FRG2C: variants seen among roughly 807,000 people sequenced by gnomAD.
FRG2C encodes protein FRG2-like-2.
FRG2C carries 8 observed loss-of-function variants against 14.1 expected under a neutral mutation model. The ratio of observed to expected loss-of-function variants is 0.57; its 90% CI spans 0.33 to 1.02. The LOEUF is 1.02. Ranked by LOEUF, FRG2C falls within the 50% of genes least tolerant of loss-of-function variation. FRG2C has a pLI of 0.03. For synonymous variants in FRG2C, 92 were observed against 127.4 expected (o/e 0.72, Z 1.87); for missense variants, 214 against 334.2 (o/e 0.64, Z 2.80).
rs1423746423 is a variant in FRG2C at position 75,666,380 on chromosome 3, T to A, written c.*339T>A. 6.1e-6 allele frequency: 3 copies of A among 488,914 alleles called. No individual in the cohort carries two copies. Among genetic ancestry groups the A allele is most frequent in the Non-Finnish European group, 3.5e-6 (1 of 284,754 alleles). The allele number at this position is 488,914 out of a possible 1,614,324, so 30.3% of individuals were successfully genotyped here. On this transcript the variant is annotated 3_prime_UTR_variant, in exon 4 of 4. Transcript: ENST00000308062. Reference sequence around the variant, plus strand: ...GATTGTAGAAAAGTAAATATAAAATTATATGCTCTTTTTTTTTTTGAGACA... The same window carrying A: ...GATTGTAGAAAAGTAAATATAAAATAATATGCTCTTTTTTTTTTTGAGACA...
chr3:75,665,630 T>A lies in FRG2C; in HGVS notation c.438T>A (p.His146Gln). The A allele has an allele frequency of 1.9e-6, 3 of 1,613,986 alleles. No homozygotes were observed. The highest frequency in any genetic ancestry group is 2.5e-6 in the Non-Finnish European group (3 of 1,179,836). Reference protein sequence around the residue: ...SEIQETCDAHHRGSSRACTGR... With the variant: ...SEIQETCDAHQRGSSRACTGR... ...TCCAGGAGACCTGTGATGCCCACCATAGGGGAAGTTCCAGGGCTTGCACTG... is the reference window on the plus strand; with the variant it reads ...TCCAGGAGACCTGTGATGCCCACCAAAGGGGAAGTTCCAGGGCTTGCACTG... Residue 146 changes from histidine (H) to glutamine (Q), a missense_variant, in exon 4 of 4, where the codon CAT (histidine) becomes CAA (glutamine). His to Gln is a conservative substitution (Grantham distance 24). Transcript: ENST00000308062.
intron 1 of FRG2C, 101 bp from the exon 2 acceptor site, chr3:75,664,718 A>G (rs1937039398): frequency 6.2e-7 from 1 of 1,607,682 alleles, no homozygotes; most frequent in Non-Finnish European, 8.5e-7. Context: ...TGACACTGGC[A>G]GAAGAGCTTC....
intron 2 of FRG2C, 83 bp from the exon 3 acceptor site, chr3:75,665,043 C>T: frequency 6.3e-7 from 1 of 1,580,422 alleles, no homozygotes; most frequent in Non-Finnish European, 8.7e-7. Context: ...GCGGTAACCT[C>T]AGCTCCTGTG....
At position 75,665,997 on chromosome 3, in the gene FRG2C, G is replaced by A. The variant is rs1225784291; in HGVS notation, c.805G>A (p.Glu269Lys). The A allele has an allele frequency of 5.0e-6, 8 of 1,612,306 alleles. No individual in the cohort carries two copies. Among genetic ancestry groups the A allele is most frequent in the East Asian group, 2.2e-5 (1 of 44,896 alleles). The change falls in exon 4 of 4, where the codon GAG (glutamate) becomes AAG (lysine). Residue 269 changes from glutamate (E) to lysine (K), a missense_variant. This residue lies in a region of FRG2C where 55 missense variants were observed against 118.9 expected (regional missense o/e 0.46). Coordinates refer to ENST00000308062, the MANE Select transcript of FRG2C (RefSeq NM_001124759.5). Reference sequence around the variant, plus strand: ...TCCCTTCCCTGGGCAGGAGATAACTGAGCCTGTCAGTGGATCAGATGAGGC... The same window carrying A: ...TCCCTTCCCTGGGCAGGAGATAACTAAGCCTGTCAGTGGATCAGATGAGGC... ...AHPFPGQEITEPVSGSDEAKL... is the reference protein window; with the variant it reads ...AHPFPGQEITKPVSGSDEAKL...
Sources: gnomAD v4.1 joint callset for allele counts on GRCh38, gnomAD v4.1.1 for gene constraint, gnomAD v4.1.1 regional missense constraint, MANE v1.5 for transcripts, NCBI Gene and HGNC (gene_info 2026-07-23, HGNC 2026-07-21) for gene names.